The following CACNA2D1 variants were observed in gnomAD, a reference collection of about 807,000 sequenced individuals.
CACNA2D1 encodes the protein voltage-dependent calcium channel subunit alpha-2/delta-1.
A neutral mutation model predicts 171.5 loss-of-function variants in CACNA2D1; 53 were observed. The observed-to-expected ratio is 0.31, with a 90% CI of 0.25 to 0.39. The LOEUF (loss-of-function observed/expected upper bound fraction) is 0.39, where lower values mean the gene tolerates loss of function less well. Ranked by LOEUF, CACNA2D1 falls within the 10% of genes least tolerant of loss-of-function variation. The pLI, the probability that CACNA2D1 is intolerant of heterozygous loss-of-function variation, is 1.00. For synonymous variants in CACNA2D1, 442 were observed against 443.1 expected, an observed-to-expected ratio of 1.00 and a Z score of 0.03; for missense variants, 903 against 1,299.8, an observed-to-expected ratio of 0.69 and a Z score of 4.69.
intron 38 of CACNA2D1, among the ~76,000 whole-genome samples, chr7:81,956,209 G>A (rs922899513): frequency 2.0e-5 from 3 of 151,324 alleles, no homozygotes; most frequent in Admixed American, 6.6e-5. Context: ...CCTGACCTCA[G>A]GTGATGCACC....
intron 1 of CACNA2D1, among the ~76,000 whole-genome samples, chr7:82,360,965 CTTT>C (rs1253049038): frequency 6.6e-6 from 1 of 152,162 alleles, no homozygotes. Flanking sequence ...CCATCTTCAA[CTTT>C]TTTATTTTTT....
At chr7:81,988,620 T>C (rs950869139) in intron 21 of CACNA2D1, among the ~76,000 whole-genome samples, 3 of 152,180 alleles carry the variant, frequency 2.0e-5, no homozygotes, top group Non-Finnish European at 4.4e-5. Flanking sequence ...TAATATGTAG[T>C]TAAAGAGACT....
At chr7:81,952,624 T>G (rs1402916865) in intron 38 of CACNA2D1, among the ~76,000 whole-genome samples, 1 of 152,126 alleles carries the variant, frequency 6.6e-6, no homozygotes, top group Non-Finnish European at 1.5e-5. Context: ...TGGTTTTTCT[T>G]GAAACTTGTT....
At chr7:82,413,393 T>C (rs957588049) in intron 1 of CACNA2D1, among the ~76,000 whole-genome samples, 1 of 152,242 alleles carries the variant, frequency 6.6e-6, no homozygotes. Context: ...GAAGTGCCTC[T>C]TCAGAGTCTT....
chr7:82,439,543 A>G (rs1308771842), intron 1 of CACNA2D1, among the ~76,000 whole-genome samples: 2 of 151,780 alleles, frequency 1.3e-5, no homozygotes, highest in African/African-American at 4.8e-5. Flanking sequence ...ATAAAGGCAC[A>G]TTTCATTTCC....
chr7:82,308,029 A>T (rs1813949055), intron 3 of CACNA2D1, among the ~76,000 whole-genome samples: 1 of 152,170 alleles, frequency 6.6e-6, no homozygotes, highest in Non-Finnish European at 1.5e-5. Context: ...CAGTGAACTA[A>T]AACGCCATCC....
chr7:82,434,333 T>G (rs1373848859), intron 1 of CACNA2D1, among the ~76,000 whole-genome samples: 2 of 152,232 alleles, frequency 1.3e-5, no homozygotes, highest in Non-Finnish European at 2.9e-5. Context: ...TACTATTTAT[T>G]GTTTTTTCTT....
At chr7:82,215,774 T>G (rs186495307) in intron 3 of CACNA2D1, among the ~76,000 whole-genome samples, 5 of 152,202 alleles carry the variant, frequency 3.3e-5, no homozygotes, top group African/African-American at 1.2e-4. Flanking sequence ...AAAATCTCCT[T>G]GACAGGAATT....
chr7:82,439,297 CAT>C (rs1220174040), intron 1 of CACNA2D1, among the ~76,000 whole-genome samples: 4 of 151,602 alleles, frequency 2.6e-5, no homozygotes, highest in African/African-American at 4.8e-5. Flanking sequence ...TAATAATTTC[CAT>C]ATGTTATGTT....
intron 6 of CACNA2D1, among the ~76,000 whole-genome samples, chr7:82,101,677 G>A (rs1023503896): frequency 2.0e-5 from 3 of 152,044 alleles, no homozygotes; most frequent in African/African-American, 7.2e-5. Context: ...TGCAGTAATG[G>A]TATTAGAATA....
intron 3 of CACNA2D1, among the ~76,000 whole-genome samples, chr7:82,285,177 C>G (rs1045606817): frequency 6.6e-6 from 1 of 152,068 alleles, no homozygotes; most frequent in African/African-American, 2.4e-5. Context: ...CTCCTCTTCT[C>G]GATGGTGGTC....
intron 3 of CACNA2D1, among the ~76,000 whole-genome samples, chr7:82,225,672 CT>C (rs200811627): frequency 0.01 from 1,574 of 152,202 alleles, 24 homozygotes; most frequent in African/African-American, 0.036. Context: ...CAAGACTTTT[CT>C]TTTTGGGACG....
chr7:82,400,107 T>G (rs1345349915), intron 1 of CACNA2D1, among the ~76,000 whole-genome samples: 1 of 150,894 alleles, frequency 6.6e-6, no homozygotes, highest in South Asian at 2.1e-4. Flanking sequence ...TACTGTAGCC[T>G]TGTAGTATAG....
intron 3 of CACNA2D1, among the ~76,000 whole-genome samples, chr7:82,221,501 T>C (rs1240277788): frequency 6.6e-6 from 1 of 152,056 alleles, no homozygotes; most frequent in Non-Finnish European, 1.5e-5. Flanking sequence ...TTCTGGCACT[T>C]AAAGAGACCG....
chr7:81,956,929 G>GTTAA (rs991145729), intron 38 of CACNA2D1, among the ~76,000 whole-genome samples: 2 of 152,074 alleles, frequency 1.3e-5, no homozygotes, highest in Admixed American at 6.5e-5. Context: ...TTCTTAAAAG[G>GTTAA]TTAATTAATA....
intron 3 of CACNA2D1, among the ~76,000 whole-genome samples, chr7:82,232,850 C>A (rs1386395159): frequency 1.1e-5 from 1 of 94,888 alleles, no homozygotes; most frequent in Non-Finnish European, 1.8e-5. Flanking sequence ...GGCAACAGAG[C>A]GAGATGTCTC....
chr7:82,403,263 A>G (rs1162192972), intron 1 of CACNA2D1, among the ~76,000 whole-genome samples: 2 of 152,238 alleles, frequency 1.3e-5, no homozygotes, highest in African/African-American at 4.8e-5. Context: ...CAGACTGATT[A>G]GAGAAAGATT....
intron 3 of CACNA2D1, among the ~76,000 whole-genome samples, chr7:82,178,302 C>T (rs1796763987): frequency 6.6e-6 from 1 of 151,978 alleles, no homozygotes; most frequent in African/African-American, 2.4e-5. Context: ...ATTGGAAGAC[C>T]CTTGAAATAC....
chr7:82,004,892 G>A (rs1439938708), intron 18 of CACNA2D1, among the ~76,000 whole-genome samples: 1 of 152,060 alleles, frequency 6.6e-6, no homozygotes, highest in African/African-American at 2.4e-5. Context: ...AGATTAACTT[G>A]CTGATTAATA....
Sources: allele counts gnomAD v4.1 joint callset (sites outside exome capture counted in the v4.1 genomes callset), GRCh38; gene constraint gnomAD v4.1.1; transcripts MANE v1.5; gene names NCBI Gene and HGNC (gene_info 2026-07-23, HGNC 2026-07-21).